ANKRD27: variants seen among roughly 807,000 people sequenced by gnomAD.
ANKRD27 encodes ankyrin repeat domain 27, also known as ankyrin repeat domain-containing protein 27.
In ANKRD27, 112 loss-of-function variants were observed where a neutral mutation model predicts 129.7. The ratio of observed to expected loss-of-function variants is 0.86; its 90% confidence interval spans 0.74 to 1.01. The LOEUF is 1.01. Ranked by LOEUF, ANKRD27 falls within the 50% of genes least tolerant of loss-of-function variation. The pLI, the probability that ANKRD27 is intolerant of heterozygous loss-of-function variation, is 0.00. For missense variants in ANKRD27, 1,258 were observed against 1,300.5 expected, an observed-to-expected ratio of 0.97 and a Z score of 0.50; for synonymous variants, 516 against 511.2, an observed-to-expected ratio of 1.01 and a Z score of -0.13.
At chr19:32,641,879 C>T in intron 10 of ANKRD27, 145 bp downstream of exon 10, 1 of 924,314 alleles carries the variant, frequency 1.1e-6, no homozygotes, top group South Asian at 2.7e-5. Context: ...GTGATCCTCC[C>T]ACCTTGGCCT....
chr19:32,639,302 T>C, intron 12 of ANKRD27, 54 bp downstream of exon 12: 2 of 1,611,318 alleles, frequency 1.2e-6, no homozygotes, highest in African/African-American at 1.3e-5. Flanking sequence ...CAGCACCCTA[T>C]CAAGGGAACC....
intron 12 of ANKRD27, chr19:32,638,610 G>A (rs1297646839): frequency 2.6e-5 from 4 of 152,692 alleles, no homozygotes; most frequent in Non-Finnish European, 5.9e-5. Flanking sequence ...AGTTCCCCGA[G>A]CCAGGGCTAT....
intron 10 of ANKRD27, 48 bp downstream of exon 10, chr19:32,641,976 C>A: frequency 6.7e-7 from 1 of 1,500,864 alleles, no homozygotes. Flanking sequence ...GCTTTTTCAT[C>A]TGGATGTAGC....
intron 18 of ANKRD27, among the ~76,000 whole-genome samples, chr19:32,619,858 G>T (rs1322492667): frequency 6.6e-6 from 1 of 152,128 alleles, no homozygotes; most frequent in South Asian, 2.1e-4. Flanking sequence ...GACCCGCATG[G>T]AGCCTGAAAG....
At chr19:32,599,918 C>T in intron 27 of ANKRD27, 54 bp downstream of exon 27, 1 of 1,545,940 alleles carries the variant, frequency 6.5e-7, no homozygotes, top group Admixed American at 1.7e-5. Context: ...TTACGTGCAG[C>T]TTGGAGTAAA....
chr19:32,622,610 C>A lies in ANKRD27; in HGVS notation c.1639G>T (p.Ala547Ser), dbSNP rs1466075684. 8 of 1,613,390 alleles carry A rather than the reference C, an allele frequency of 5.0e-6. No homozygotes were observed. Among genetic ancestry groups the A allele is most frequent in the African/African-American group, 1.3e-5 (1 of 74,878 alleles). Residue 547 changes from alanine to serine, a missense_variant, in exon 18 of 29, where the codon GCT becomes TCT. Coordinates refer to ENST00000306065, the MANE Select transcript of ANKRD27 (RefSeq NM_032139.3). ...CTYGHEDCVKALVYYDVESCR... is the reference protein window; with the variant it reads ...CTYGHEDCVKSLVYYDVESCR... ...GACTCCACGTCGTAGTAAACCAGAG[C>A]CTTCACACACTGCAAAGAGATGGGG...
chr19:32,640,526 C>T, intron 10 of ANKRD27, 141 bp from the exon 11 acceptor site: 1 of 706,492 alleles, frequency 1.4e-6, no homozygotes, highest in South Asian at 1.6e-5. Context: ...ATTGCACAAG[C>T]TCCTTTACAG....
At position 32,628,730 on chromosome 19, in the gene ANKRD27, G is replaced by A. The variant is rs185481468; in HGVS notation, c.1329C>T (p.Leu443=). The stretch of plus-strand genomic sequence containing the variant: ...CACCAGCACCCTCTTACCCAGAGAC[G>A]AGTTTCTCACAGTCATCGCAGAAGC... ...PLCFCDDCEK[L]VSGRLNDPSV... Residue 443 remains leucine, a synonymous_variant, in exon 14 of 29, where the codon CTC becomes CTT. Transcript: ENST00000306065. The A allele has an allele frequency of 5.1e-4, 816 of 1,613,944 alleles. 2 individuals carry two copies. Among genetic ancestry groups the A allele is most frequent in the Non-Finnish European group, 5.2e-4 (613 of 1,179,946 alleles).
In ANKRD27 at chr19:32,597,711, A is replaced by G. The variant is rs934657456; in HGVS notation, c.*434T>C. ...GCCTCTACAGTACCATGAAACCTAA[A>G]TTACTTACTTCTCTCCAGCTTAATC... On this transcript the variant is annotated 3_prime_UTR_variant, in exon 29 of 29. Transcript: ENST00000306065. 1.1e-5 allele frequency: 2 copies of G among 179,118 alleles called. No homozygotes were observed. Among genetic ancestry groups the G allele is most frequent in the African/African-American group, 4.7e-5 (2 of 42,768 alleles). 11.1% of individuals were successfully genotyped at this position (179,118 alleles called of 1,614,324 possible).
chr19:32,672,369 C>T (rs1433696875), intron 1 of ANKRD27, among the ~76,000 whole-genome samples: 1 of 152,210 alleles, frequency 6.6e-6, no homozygotes, highest in African/African-American at 2.4e-5. Context: ...TGTCCATATT[C>T]TTCTCAAAGC....
chr19:32,660,938 C>G (rs62124333), intron 1 of ANKRD27, among the ~76,000 whole-genome samples: 14,146 of 149,376 alleles, frequency 0.095, 816 homozygotes, highest in East Asian at 0.26. Flanking sequence ...CCCAGGCTGG[C>G]TGTAATCACA....
At chr19:32,655,956 T>C (rs1239321587) in intron 2 of ANKRD27, among the ~76,000 whole-genome samples, 1 of 148,456 alleles carries the variant, frequency 6.7e-6, no homozygotes, top group Non-Finnish European at 1.5e-5. Context: ...AGGCAGAGGT[T>C]GCAGCAAGCC....
intron 20 of ANKRD27, among the ~76,000 whole-genome samples, chr19:32,617,919 T>G (rs1447314587): frequency 6.6e-6 from 1 of 152,066 alleles, no homozygotes; most frequent in Non-Finnish European, 1.5e-5. Context: ...CATGCCCGGC[T>G]AATTTTTTTT....
At chr19:32,606,151 CTTTTTTT>C (rs11325326) in intron 23 of ANKRD27, among the ~76,000 whole-genome samples, 197 bp from the exon 24 acceptor site, 25 of 125,556 alleles carry the variant, frequency 2.0e-4, no homozygotes, top group Admixed American at 1.2e-3. Context: ...GTTTTTCTTT[CTTTTTTT>C]TTTTTTTTTT....
At position 32,649,596 on chromosome 19, in the gene ANKRD27, A is replaced by G. The variant is rs531192149; in HGVS notation, c.213+86T>C. The G allele has an allele frequency of 5.2e-4, 484 of 928,044 alleles. 1 individual carries two copies. The highest frequency in any genetic ancestry group is 7.6e-4 in the Non-Finnish European group (432 of 567,584). 57.5% of individuals were successfully genotyped at this position (928,044 alleles called of 1,614,324 possible). On this transcript the variant is annotated intron_variant, in intron 3 of 28. Coordinates refer to ENST00000306065, the MANE Select transcript of ANKRD27 (RefSeq NM_032139.3). ...AATGCCACCATTGCCAGTAGCTGTGAAAGGCTGAGAACGGGACTCTCTTCC... is the reference window on the plus strand; with the variant it reads ...AATGCCACCATTGCCAGTAGCTGTGGAAGGCTGAGAACGGGACTCTCTTCC...
At chr19:32,647,091 G>C (rs1274567029) in intron 3 of ANKRD27, among the ~76,000 whole-genome samples, 1 of 152,216 alleles carries the variant, frequency 6.6e-6, no homozygotes, top group East Asian at 1.9e-4. Context: ...CTCCTGGAGT[G>C]CTGGGATTAC....
chr19:32,646,019 C>T (rs950760400), intron 4 of ANKRD27, among the ~76,000 whole-genome samples: 1 of 152,038 alleles, frequency 6.6e-6, no homozygotes, highest in African/African-American at 2.4e-5. Flanking sequence ...GCAACCTCCA[C>T]TTTCTGGGTT....
At chr19:32,642,630 G>T (rs530996961) in intron 9 of ANKRD27, among the ~76,000 whole-genome samples, 1 of 152,094 alleles carries the variant, frequency 6.6e-6, no homozygotes, top group Non-Finnish European at 1.5e-5. Context: ...CCCGCTACTC[G>T]GGAGGCTGAG....
intron 4 of ANKRD27, among the ~76,000 whole-genome samples, chr19:32,645,887 C>A (rs1265808670): frequency 6.6e-6 from 1 of 152,078 alleles, no homozygotes; most frequent in East Asian, 1.9e-4. Flanking sequence ...CCGCCCACCT[C>A]GGCCTCCCAA....
Sources: gnomAD v4.1 joint callset for allele counts (sites outside exome capture counted in the v4.1 genomes callset) on GRCh38, gnomAD v4.1.1 for gene constraint, MANE v1.5 for transcripts, NCBI Gene and HGNC (gene_info 2026-07-23, HGNC 2026-07-21) for gene names.